Variants in SH3GL3 observed in about 807,000 individuals in gnomAD.
SH3GL3 encodes the protein SH3 domain containing GRB2 like 3, endophilin A3, also known as endophilin-A3.
SH3GL3 carries 33 observed loss-of-function variants against 47.7 expected under a neutral mutation model. That is an observed-to-expected ratio of 0.69 (90% confidence interval 0.52 to 0.92). The LOEUF (loss-of-function observed/expected upper bound fraction) is 0.92, where lower values mean the gene tolerates loss of function less well. SH3GL3 is among the 40% of genes least tolerant of loss of function. SH3GL3 has a pLI of 0.00. For missense variants in SH3GL3, 363 were observed against 417.8 expected (o/e 0.87, Z 1.14); for synonymous variants, 155 against 148.8 (o/e 1.04, Z -0.30).
intron 1 of SH3GL3, among the ~76,000 whole-genome samples, chr15:83,458,935 T>C (rs2040135111): frequency 6.6e-6 from 1 of 152,176 alleles, no homozygotes; most frequent in African/African-American, 2.4e-5. Context: ...CAAGGTGAAG[T>C]CCCACAATAG....
chr15:83,618,238 G>C lies in SH3GL3; in HGVS notation c.995G>C (p.Gly332Ala), dbSNP rs1247185905. Residue 332 changes from glycine to alanine, a missense_variant, in exon 9 of 9, where the codon GGA becomes GCA. By Grantham distance (60) the Gly-to-Ala change is moderately conservative (BLOSUM62 0). Coordinates refer to ENST00000427482, the MANE Select transcript of SH3GL3 (RefSeq NM_003027.5). ...GAAGGAATGATACACGGAGAATCGG[G>C]ATTCTTCCCCATTAATTACGTGGAA... is the stretch of plus-strand genomic sequence containing the variant. ...WYEGMIHGESGFFPINYVEVI... is the reference protein window; with the variant it reads ...WYEGMIHGESAFFPINYVEVI... 27 of 1,612,662 alleles carry C rather than the reference G, an allele frequency of 1.7e-5. No individual in the cohort carries two copies. Among genetic ancestry groups the C allele is most frequent in the Non-Finnish European group, 2.2e-5 (26 of 1,178,610 alleles).
intron 1 of SH3GL3, among the ~76,000 whole-genome samples, chr15:83,481,219 G>A (rs2041338611): frequency 6.7e-6 from 1 of 149,740 alleles, no homozygotes; most frequent in Admixed American, 6.7e-5. Flanking sequence ...AGGTTTCTGT[G>A]AGCCGAGATC....
At chr15:83,503,946 C>T (rs531804605) in intron 1 of SH3GL3, among the ~76,000 whole-genome samples, 2 of 152,250 alleles carry the variant, frequency 1.3e-5, no homozygotes, top group South Asian at 2.1e-4. Context: ...TTTTAATTGT[C>T]ATTTCTTTAA....
chr15:83,630,220 G>A, the SH3GL3 span, among the ~76,000 whole-genome samples: 2 of 152,130 alleles, frequency 1.3e-5, no homozygotes, highest in African/African-American at 4.8e-5. Flanking sequence ...AAATTGCCCA[G>A]TCTCAGGTAT....
At chr15:83,491,493 A>G (rs2041873459) in intron 1 of SH3GL3, among the ~76,000 whole-genome samples, 1 of 152,210 alleles carries the variant, frequency 6.6e-6, no homozygotes. Flanking sequence ...GATTTAGAGG[A>G]TCTGAACACC....
At chr15:83,526,331 C>T (rs2043419400) in intron 1 of SH3GL3, among the ~76,000 whole-genome samples, 1 of 152,134 alleles carries the variant, frequency 6.6e-6, no homozygotes, top group Admixed American at 6.5e-5. Context: ...TCCAGATAAA[C>T]ATAAATTGTT....
chr15:83,567,645 G>C (rs968004207), intron 3 of SH3GL3, among the ~76,000 whole-genome samples: 1 of 152,134 alleles, frequency 6.6e-6, no homozygotes, highest in African/African-American at 2.4e-5. Context: ...CTAAACAGCA[G>C]CACCTGCCTG....
intron 1 of SH3GL3, among the ~76,000 whole-genome samples, chr15:83,551,439 G>A (rs181596541): frequency 6.6e-6 from 1 of 152,300 alleles, no homozygotes; most frequent in East Asian, 1.9e-4. Flanking sequence ...GGTAGCTTGT[G>A]TTTGAAGCTG....
intron 8 of SH3GL3, among the ~76,000 whole-genome samples, chr15:83,605,732 A>C (rs908590247): frequency 1.3e-5 from 2 of 152,170 alleles, no homozygotes; most frequent in East Asian, 3.9e-4. Context: ...ATCCAACTCT[A>C]GGTCCTGGCT....
chr15:83,472,467 A>G (rs1292244625), intron 1 of SH3GL3, among the ~76,000 whole-genome samples: 1 of 151,690 alleles, frequency 6.6e-6, no homozygotes, highest in African/African-American at 2.4e-5. Flanking sequence ...CTTCCAGTTC[A>G]CATTTTTTTT....
At chr15:83,483,085 A>G (rs2041439738) in intron 1 of SH3GL3, among the ~76,000 whole-genome samples, 2 of 152,130 alleles carry the variant, frequency 1.3e-5, no homozygotes, top group South Asian at 2.1e-4. Flanking sequence ...TGGTTCTCTT[A>G]TTTTAAATGA....
rs138094417 is a variant in SH3GL3, at chr15:83,568,602, G to A, written c.261G>A (p.Pro87=). The part of the protein sequence containing the change: ...IRGQVKTTGY[P]QTEGLLGDCM... ...GGCAGGTGAAGACCACAGGATACCC[G>A]CAGACGGAAGGCTTGCTGGGGGACT... The change falls in exon 4 of 9, where the codon CCG becomes CCA. Residue 87 remains proline, a synonymous_variant. Transcript: ENST00000427482. 24 of 1,613,016 alleles carry A rather than the reference G, an allele frequency of 1.5e-5. No homozygotes were observed. The highest frequency in any genetic ancestry group is 5.5e-5 in the South Asian group (5 of 91,052).
chr15:83,459,215 T>C (rs1483626769), intron 1 of SH3GL3, among the ~76,000 whole-genome samples: 1 of 152,226 alleles, frequency 6.6e-6, no homozygotes, highest in African/African-American at 2.4e-5. Context: ...AGCTGCGCTG[T>C]CGGCTGATTA....
intron 2 of SH3GL3, among the ~76,000 whole-genome samples, chr15:83,564,641 C>T (rs61177192): frequency 3.0e-4 from 45 of 152,252 alleles, no homozygotes; most frequent in African/African-American, 9.6e-4. Flanking sequence ...GACCATAGCA[C>T]AAATGAATGT....
chr15:83,608,277 A>C (rs2060580308), intron 8 of SH3GL3, among the ~76,000 whole-genome samples: 2 of 152,234 alleles, frequency 1.3e-5, no homozygotes, highest in Non-Finnish European at 2.9e-5. Flanking sequence ...TTAGTAGTGC[A>C]CAACTTAACC....
At chr15:83,502,340 G>A (rs1346929428) in intron 1 of SH3GL3, among the ~76,000 whole-genome samples, 5 of 152,244 alleles carry the variant, frequency 3.3e-5, no homozygotes, top group African/African-American at 1.2e-4. Flanking sequence ...CCACTGCCAT[G>A]TTTGGTGTAA....
intron 1 of SH3GL3, among the ~76,000 whole-genome samples, chr15:83,536,409 T>TC (rs60468522): frequency 1.4e-5 from 2 of 141,832 alleles, no homozygotes; most frequent in Admixed American, 7.1e-5. Context: ...TCTTTTCTTT[T>TC]TTTTTTTTTT....
chr15:83,631,893 C>T, the SH3GL3 span, among the ~76,000 whole-genome samples: 1 of 152,206 alleles, frequency 6.6e-6, no homozygotes, highest in Non-Finnish European at 1.5e-5. Flanking sequence ...GCTTGAATTT[C>T]TCCCCATAAA....
rs112332270 is a variant in SH3GL3, at chr15:83,602,812, G to A, written c.838+14041G>A. ...GATTTTGGATCAGGGAGACTCTTTTGTCTTTTATTCTGTGGGCTCCTAGAT... is the reference window on the plus strand; with the variant it reads ...GATTTTGGATCAGGGAGACTCTTTTATCTTTTATTCTGTGGGCTCCTAGAT... On this transcript the variant is annotated intron_variant, in intron 8 of 8. Transcript: ENST00000427482. Among the ~76,000 whole-genome samples, 75 of 152,206 alleles carry A rather than the reference G, an allele frequency of 4.9e-4. 1 individual carries two copies. The highest frequency in any genetic ancestry group is 1.7e-3 in the African/African-American group (71 of 41,540).
Sources: allele counts gnomAD v4.1 joint callset (sites outside exome capture counted in the v4.1 genomes callset), GRCh38; gene constraint gnomAD v4.1.1; transcripts MANE v1.5; gene names NCBI Gene and HGNC (gene_info 2026-07-23, HGNC 2026-07-21).